Variants in LRRC4C observed in about 807,000 individuals in gnomAD.
The protein encoded by LRRC4C is leucine-rich repeat-containing protein 4C.
In LRRC4C, 5 loss-of-function variants were observed where a neutral mutation model predicts 33.6. The observed-to-expected ratio is 0.15, with a 90% CI of 0.08 to 0.31. The LOEUF (loss-of-function observed/expected upper bound fraction) is 0.31. LRRC4C is among the 10% of genes least tolerant of loss of function. The pLI is 1.00. For synonymous variants in LRRC4C, 329 were observed against 302.0 expected, an observed-to-expected ratio of 1.09 and a Z score of -0.93; for missense variants, 560 against 796.7, an observed-to-expected ratio of 0.70 and a Z score of 3.58.
intron 2 of LRRC4C, among the ~76,000 whole-genome samples, chr11:40,869,069 A>C (rs1954508402): frequency 5.0e-5 from 3 of 59,586 alleles, no homozygotes; most frequent in African/African-American, 5.1e-5. Context: ...CCTGTGGGGG[A>C]TAGATTATTT....
rs71060962 is a variant in LRRC4C, at chr11:40,451,366, C to CTTTTTTTT, written c.-269-131653_-269-131646dup. ...ACTATTAGCCTTACAGAAATAATGA[C>CTTTTTTTT]TTTTTTTTTTTTTTTTTTTTTTTTT... On this transcript the variant is annotated intron_variant, in intron 3 of 6. Transcript: ENST00000528697. Among the ~76,000 whole-genome samples, 49 of 47,088 alleles carry CTTTTTTTT rather than the reference C, an allele frequency of 1.0e-3. 16 individuals are homozygous for CTTTTTTTT. The highest frequency in any genetic ancestry group is 1.8e-3 in the African/African-American group (19 of 10,754). The allele number at this position is 47,088 out of a possible 152,430, so 30.9% of individuals were successfully genotyped here. A position where few individuals can be genotyped will look rare whatever the true frequency, so the allele number is the denominator to read the frequency against.
chr11:40,485,301 A>G (rs2138446036), intron 3 of LRRC4C, among the ~76,000 whole-genome samples: 1 of 152,030 alleles, frequency 6.6e-6, no homozygotes, highest in African/African-American at 2.4e-5. Flanking sequence ...TGCTACACCA[A>G]TCCCTTAGTC....
At chr11:40,398,819 C>T (rs1289965666) in intron 3 of LRRC4C, among the ~76,000 whole-genome samples, 1 of 151,952 alleles carries the variant, frequency 6.6e-6, no homozygotes, top group African/African-American at 2.4e-5. Flanking sequence ...TTTTAAATGG[C>T]CTACTAATAA....
Position 41,408,755 on chromosome 11 carries a change from A to AAAAAAAAAAAAAAAAAAAC in LRRC4C, c.-496+50675_-496+50676insGTTTTTTTTTTTTTTTTTT, listed in dbSNP as rs1191106845. Among the ~76,000 whole-genome samples the AAAAAAAAAAAAAAAAAAAC allele has an allele frequency of 1.3e-3, 186 of 148,022 alleles. 1 individual carries two copies. Among genetic ancestry groups the AAAAAAAAAAAAAAAAAAAC allele is most frequent in the African/African-American group, 4.7e-3 (178 of 37,728 alleles). On this transcript the variant is annotated intron_variant, in intron 1 of 6. Coordinates refer to ENST00000528697, the MANE Select transcript of LRRC4C (RefSeq NM_001258419.2). ...AGAAAGGTATATTTTTGTAAAAAAA[A>AAAAAAAAAAAAAAAAAAAC]AAAAAAAAAAAACTGAGTCTCTCAA...
At position 40,649,315 on chromosome 11, in the gene LRRC4C, C is replaced by A. The variant is rs960236465; in HGVS notation, c.-406-1037G>T. 3.9e-5 allele frequency among the ~76,000 whole-genome samples: 6 copies of A among 152,248 alleles called. No homozygotes were observed. The South Asian group carries it at 6.2e-4, about 16-fold the overall frequency. On this transcript the variant is annotated intron_variant, in intron 2 of 6. Coordinates refer to ENST00000528697, the MANE Select transcript of LRRC4C (RefSeq NM_001258419.2). Reference sequence around the variant, plus strand: ...GAGCGGCCGTTTATAGACCTCCCCCCAAGAATGCATTCCTTTCCCAGGGTC... The same window carrying A: ...GAGCGGCCGTTTATAGACCTCCCCCAAAGAATGCATTCCTTTCCCAGGGTC...
At chr11:41,174,750 G>C (rs1236050359) in intron 1 of LRRC4C, among the ~76,000 whole-genome samples, 1 of 151,568 alleles carries the variant, frequency 6.6e-6, no homozygotes, top group Non-Finnish European at 1.5e-5. Flanking sequence ...TATACCTTTG[G>C]CTCAGAACTC....
At chr11:40,237,837 A>T (rs1865671066) in intron 5 of LRRC4C, among the ~76,000 whole-genome samples, 1 of 152,148 alleles carries the variant, frequency 6.6e-6, no homozygotes, top group Admixed American at 6.6e-5. Flanking sequence ...ATACCACCGA[A>T]GTTGGAGCAT....
At chr11:40,310,878 G>C (rs1945272010) in intron 4 of LRRC4C, among the ~76,000 whole-genome samples, 2 of 152,104 alleles carry the variant, frequency 1.3e-5, no homozygotes, top group Non-Finnish European at 2.9e-5. Context: ...AGAATCCAAA[G>C]AGTTTTGTTT....
chr11:40,324,887 T>A (rs1382640936), intron 3 of LRRC4C, among the ~76,000 whole-genome samples: 2 of 152,202 alleles, frequency 1.3e-5, no homozygotes, highest in African/African-American at 4.8e-5. Context: ...GTTGGCAAGA[T>A]ATTGTGCCTC....
chr11:40,748,483 G>C (rs1036905420), intron 2 of LRRC4C, among the ~76,000 whole-genome samples: 3 of 151,906 alleles, frequency 2.0e-5, no homozygotes, highest in African/African-American at 7.3e-5. Context: ...AACTGGTAAA[G>C]CAAACACACA....
chr11:40,506,727 T>C (rs11035875), intron 3 of LRRC4C, among the ~76,000 whole-genome samples: 16,808 of 152,016 alleles, frequency 0.11, 998 homozygotes, highest in Middle Eastern at 0.16. Context: ...AGTCCTACAA[T>C]ATATATAATG....
intron 1 of LRRC4C, among the ~76,000 whole-genome samples, chr11:41,124,694 C>T (rs550046065): frequency 2.0e-5 from 3 of 152,054 alleles, no homozygotes; most frequent in South Asian, 4.1e-4. Context: ...GTCATTTCTA[C>T]GTTAAAAAAA....
At chr11:41,320,379 G>A (rs1466239661) in intron 1 of LRRC4C, among the ~76,000 whole-genome samples, 2 of 152,172 alleles carry the variant, frequency 1.3e-5, no homozygotes, top group Non-Finnish European at 2.9e-5. Flanking sequence ...GCATCTCACA[G>A]TCAAAAGGTC....
At chr11:40,776,442 T>G (rs776353582) in intron 2 of LRRC4C, among the ~76,000 whole-genome samples, 11 of 152,140 alleles carry the variant, frequency 7.2e-5, no homozygotes, top group Non-Finnish European at 1.6e-4. Flanking sequence ...TTCAATTTCT[T>G]CCTGATTTAA....
At chr11:40,774,222 CA>C (rs1407711564) in intron 2 of LRRC4C, among the ~76,000 whole-genome samples, 2 of 151,836 alleles carry the variant, frequency 1.3e-5, no homozygotes, top group African/African-American at 4.8e-5. Flanking sequence ...ATAGATATAC[CA>C]CACTTAAATT....
chr11:40,284,928 G>T (rs1435061387), intron 4 of LRRC4C, among the ~76,000 whole-genome samples: 3 of 152,016 alleles, frequency 2.0e-5, no homozygotes, highest in Non-Finnish European at 4.4e-5. Flanking sequence ...GTGCGATCTT[G>T]CTGGCAATGG....
At chr11:40,971,743 G>A (rs1448216898) in intron 1 of LRRC4C, among the ~76,000 whole-genome samples, 1 of 152,140 alleles carries the variant, frequency 6.6e-6, no homozygotes, top group African/African-American at 2.4e-5. Flanking sequence ...CAGCCCTTGA[G>A]AGCAGCCATG....
intron 1 of LRRC4C, among the ~76,000 whole-genome samples, chr11:41,127,915 C>T (rs1942825106): frequency 6.6e-6 from 1 of 152,036 alleles, no homozygotes; most frequent in African/African-American, 2.4e-5. Context: ...GTTATTATGG[C>T]ACTACCTAAC....
At chr11:41,326,585 A>C (rs554466270) in intron 1 of LRRC4C, among the ~76,000 whole-genome samples, 83 of 152,330 alleles carry the variant, frequency 5.4e-4, no homozygotes, top group Non-Finnish European at 1.1e-3. Flanking sequence ...AAAAATTTAA[A>C]AATGCTTTGT....
Sources: gnomAD v4.1 joint callset for allele counts (sites outside exome capture counted in the v4.1 genomes callset) on GRCh38, gnomAD v4.1.1 for gene constraint, MANE v1.5 for transcripts, NCBI Gene and HGNC (gene_info 2026-07-23, HGNC 2026-07-21) for gene names.